CARMIL3: variants seen among roughly 807,000 people sequenced by gnomAD.
CARMIL3 encodes capping protein regulator and myosin 1 linker 3.
In CARMIL3, 88 loss-of-function variants were observed where a neutral mutation model predicts 180.8. That is an observed-to-expected ratio of 0.49 (90% CI 0.41 to 0.58). The LOEUF is 0.58. CARMIL3 is among the 20% of genes least tolerant of loss of function. CARMIL3 has a pLI of 0.00. For synonymous variants in CARMIL3, 696 were observed against 714.5 expected, an observed-to-expected ratio of 0.97 and a Z score of 0.41; for missense variants, 1,548 against 1,787.0, an observed-to-expected ratio of 0.87 and a Z score of 2.41.
rs45538238 is a variant in CARMIL3, at chr14:24,053,816, G to A, written c.135+13G>A. 11,374 of 1,604,414 alleles carry A rather than the reference G, an allele frequency of 7.1e-3. 68 individuals are homozygous for A. The highest frequency in any genetic ancestry group is 7.8e-3 in the Non-Finnish European group (9,159 of 1,174,370). On this transcript the variant is annotated intron_variant, in intron 2 of 39. Transcript: ENST00000342740. Reference sequence around the variant, plus strand: ...GGACCGAGTGCTGGTGAGGGCACTGGGCATGTGGGGAGGGAGGAGGTGGCT... The same window carrying A: ...GGACCGAGTGCTGGTGAGGGCACTGAGCATGTGGGGAGGGAGGAGGTGGCT...
At position 24,064,093 on chromosome 14, in the gene CARMIL3, CA is replaced by C. The variant is rs564964326; in HGVS notation, c.2980-135del. On this transcript the variant is annotated intron_variant, in intron 31 of 39. Transcript: ENST00000342740. ...TGGGTGACAGAGCAAGACTCCGTCT[CA>C]AAAAAAAAAAAAAAAAAGAAAAAGA... 6.4e-3 allele frequency among the ~76,000 whole-genome samples: 408 copies of C among 64,178 alleles called. 4 individuals are homozygous for C. The highest frequency in any genetic ancestry group is 0.012 in the African/African-American group (205 of 16,616). The allele number at this position is 64,178 out of a possible 152,430, so 42.1% of individuals were successfully genotyped here.
At chr14:24,057,774 C>T (rs1333765692) in intron 14 of CARMIL3, 29 bp from the exon 15 acceptor site, 1 of 1,598,180 alleles carries the variant, frequency 6.3e-7, no homozygotes, top group Non-Finnish European at 8.5e-7. Context: ...TTCCAGCTCC[C>T]CTGAGACCCA....
rs966650084 is a variant in CARMIL3, at chr14:24,068,596, C to T, written c.3695C>T (p.Ala1232Val). ...EATWHIAEES[A>V]PNHSCQSPSP... is the part of the protein sequence containing the mutation. ...CTCTCATCCCCAGCTGAAGAGAGTG[C>T]CCCCAACCACAGCTGCCAGAGTCCC... The change falls in exon 37 of 40, where the codon GCC (alanine) becomes GTC (valine). Residue 1232 changes from alanine to valine, a missense_variant. By Grantham distance (64) the Ala-to-Val change is moderately conservative. Transcript: ENST00000342740. 3 of 1,612,082 alleles carry T rather than the reference C, an allele frequency of 1.9e-6. No homozygotes were observed. The highest frequency in any genetic ancestry group is 1.6e-4 in the Middle Eastern group (1 of 6,070).
At chr14:24,052,892 A>AC (rs1365057815) in intron 1 of CARMIL3, among the ~76,000 whole-genome samples, 2 of 151,700 alleles carry the variant, frequency 1.3e-5, no homozygotes, top group Non-Finnish European at 2.9e-5. Flanking sequence ...CACAACCCTG[A>AC]CCCCCAGAGA....
chr14:24,060,850 C>T, intron 25 of CARMIL3, 77 bp from the exon 26 acceptor site: 1 of 1,543,254 alleles, frequency 6.5e-7, no homozygotes, highest in Non-Finnish European at 8.8e-7. Flanking sequence ...TGTGCATCTG[C>T]CTTCCTAGCC....
chr14:24,055,853 T>C (rs2035667052), intron 10 of CARMIL3, 64 bp downstream of exon 10: 5 of 1,449,886 alleles, frequency 3.4e-6, no homozygotes, highest in Non-Finnish European at 4.8e-6. Context: ...TCCCAGAACC[T>C]CAGAGCATGA....
chr14:24,055,164 A>G (rs747900036), intron 7 of CARMIL3, 28 bp downstream of exon 7: 1 of 1,614,052 alleles, frequency 6.2e-7, no homozygotes, highest in Non-Finnish European at 8.5e-7. Context: ...CCCATAGGGA[A>G]CAGGTGGGAC....
chr14:24,063,597 A>T (rs2035755703), intron 31 of CARMIL3, 64 bp downstream of exon 31: 1 of 1,470,678 alleles, frequency 6.8e-7, no homozygotes, highest in Admixed American at 2.0e-5. Flanking sequence ...CAGGAGTTTT[A>T]CCTTTAGGAC....
intron 24 of CARMIL3, 122 bp downstream of exon 24, chr14:24,060,377 C>A: frequency 1.7e-6 from 2 of 1,208,696 alleles, no homozygotes; most frequent in Admixed American, 2.0e-5. Flanking sequence ...CTGGACTGAG[C>A]ATGTGGGGAA....
rs1388935789 is a variant in CARMIL3, at chr14:24,060,660, G to A, written c.2094G>A (p.Glu698=). ...MLQRLCGRVQ[E]EVRALRLCPL... ...AGCGGCTGTGTGGACGAGTGCAGGA[G>A]GAGGTGCGGGCCCTGAGACTATGCC... Residue 698 remains glutamate, a synonymous_variant, in exon 25 of 40, where the codon GAG becomes GAA. Transcript: ENST00000342740. 1 of 1,614,026 alleles carries A rather than the reference G, an allele frequency of 6.2e-7. No homozygotes were observed. Among genetic ancestry groups the A allele is most frequent in the Non-Finnish European group, 8.5e-7 (1 of 1,179,976 alleles).
chr14:24,060,511 C>T, intron 24 of CARMIL3, 117 bp from the exon 25 acceptor site: 1 of 1,464,302 alleles, frequency 6.8e-7, no homozygotes. Flanking sequence ...ACCAGGCCAG[C>T]CAGAGACATC....
rs1181035581 is a variant in CARMIL3 at position 24,069,668 on chromosome 14, T to C, written c.*264T>C. 2 of 557,898 alleles carry C rather than the reference T, an allele frequency of 3.6e-6. No individual in the cohort carries two copies. Among genetic ancestry groups the C allele is most frequent in the Non-Finnish European group, 6.4e-6 (2 of 312,388 alleles). The allele number at this position is 557,898 out of a possible 1,614,324, so 34.6% of individuals were successfully genotyped here. On this transcript the variant is annotated 3_prime_UTR_variant, in exon 40 of 40. Coordinates refer to ENST00000342740, the MANE Select transcript of CARMIL3 (RefSeq NM_138360.4). ...ATCTCCTCCCCCAGGAGGGTGGATC[T>C]CTGTCCCTCTATCCCCAGGGACTCT...
Position 24,062,384 on chromosome 14 carries a change from G to A in CARMIL3, c.2481-96G>A, listed in dbSNP as rs1186390233. ...CATGGGCAGACAGACCAGGCCAGCT[G>A]GCCGTTCTCTCAGGCTTCTGGGAGA... On this transcript the variant is annotated intron_variant, in intron 27 of 39. Coordinates refer to ENST00000342740, the MANE Select transcript of CARMIL3 (RefSeq NM_138360.4). 4 of 1,120,030 alleles carry A rather than the reference G, an allele frequency of 3.6e-6. No individual in the cohort carries two copies. The East Asian group carries it at 9.4e-5, about 26-fold the overall frequency. 69.4% of individuals were successfully genotyped at this position (1,120,030 alleles called of 1,614,324 possible).
At chr14:24,053,997 C>G in intron 2 of CARMIL3, 91 bp from the exon 3 acceptor site, 1 of 1,456,092 alleles carries the variant, frequency 6.9e-7, no homozygotes. Flanking sequence ...TGGGGAGACA[C>G]TCCAAGAGCA....
At chr14:24,065,354 A>C in intron 33 of CARMIL3, 81 bp downstream of exon 33, 4 of 1,289,048 alleles carry the variant, frequency 3.1e-6, no homozygotes, top group Non-Finnish European at 4.2e-6. Flanking sequence ...CCCAAGCTTA[A>C]TGGGAGAATG....
At position 24,061,135 on chromosome 14, in the gene CARMIL3, AG is replaced by A; in HGVS notation, c.2304+98del. On this transcript the variant is annotated intron_variant, in intron 26 of 39. Transcript: ENST00000342740. The surrounding 1 kb of genome is among the most constrained non-coding windows in gnomAD (Gnocchi z 4.1). ...AAAGTCAGAGCTGGGAGACTTCTGG[AG>A]GGCCAGGAGGACATGCAGAGTTGAG... 2 of 1,092,768 alleles carry A rather than the reference AG, an allele frequency of 1.8e-6. No homozygotes were observed. Among genetic ancestry groups the A allele is most frequent in the Non-Finnish European group, 2.7e-6 (2 of 747,948 alleles). 67.7% of individuals were successfully genotyped at this position (1,092,768 alleles called of 1,614,324 possible).
chr14:24,053,054 ACG>A (rs1191973988), intron 1 of CARMIL3, among the ~76,000 whole-genome samples: 5 of 149,102 alleles, frequency 3.4e-5, no homozygotes, highest in African/African-American at 1.3e-4. Flanking sequence ...ACCCCAGCAC[ACG>A]CGCGTGCACA....
chr14:24,065,862 C>G, intron 34 of CARMIL3, 112 bp downstream of exon 34: 1 of 1,461,254 alleles, frequency 6.8e-7, no homozygotes, highest in Non-Finnish European at 9.2e-7. Flanking sequence ...GATGCTTTGG[C>G]ATTAGAAGAT....
At chr14:24,064,670 T>C (rs1239157696) in intron 32 of CARMIL3, among the ~76,000 whole-genome samples, 3 of 152,158 alleles carry the variant, frequency 2.0e-5, no homozygotes, top group African/African-American at 7.2e-5. Context: ...TAGTGTTCCC[T>C]GTCACTGTCC....
Sources: gnomAD v4.1 joint callset for allele counts (sites outside exome capture counted in the v4.1 genomes callset) on GRCh38, gnomAD v4.1.1 for gene constraint, Gnocchi (gnomAD v3.1) non-coding constraint, MANE v1.5 for transcripts, NCBI Gene and HGNC (gene_info 2026-07-23, HGNC 2026-07-21) for gene names.